SGSM1: variants seen among roughly 807,000 people sequenced by gnomAD.
The protein encoded by SGSM1 is small G protein signaling modulator 1.
In SGSM1, 73 loss-of-function variants were observed where a neutral mutation model predicts 133.8. That is an observed-to-expected ratio of 0.55 (90% CI 0.45 to 0.66). The LOEUF (loss-of-function observed/expected upper bound fraction) is 0.66, where lower values mean the gene tolerates loss of function less well. Ranked by LOEUF, SGSM1 falls within the 30% of genes least tolerant of loss-of-function variation. The pLI, the probability that SGSM1 is intolerant of heterozygous loss-of-function variation, is 0.00. For synonymous variants in SGSM1, 563 were observed against 573.0 expected, an observed-to-expected ratio of 0.98 and a Z score of 0.25; for missense variants, 1,213 against 1,448.1, an observed-to-expected ratio of 0.84 and a Z score of 2.64.
intron 12 of SGSM1, chr22:24,874,603 C>G (rs1228362669): frequency 1.3e-6 from 2 of 1,558,414 alleles, no homozygotes; most frequent in Non-Finnish European, 1.7e-6. Context: ...TCTCCCCGTC[C>G]CCAGGGGCTG....
At chr22:24,817,974 A>G (rs1183165563) in intron 2 of SGSM1, among the ~76,000 whole-genome samples, 1 of 152,152 alleles carries the variant, frequency 6.6e-6, no homozygotes, top group South Asian at 2.1e-4. Context: ...GCTCACGCCT[A>G]TAATCCCAGC....
At chr22:24,910,360 T>TA (rs111564305) in intron 21 of SGSM1, among the ~76,000 whole-genome samples, 14 of 152,150 alleles carry the variant, frequency 9.2e-5, no homozygotes, top group Middle Eastern at 3.4e-3. Context: ...ATAAACCTGT[T>TA]AAAAAAATGG....
intron 23 of SGSM1, among the ~76,000 whole-genome samples, chr22:24,918,782 A>G (rs1201420455): frequency 1.3e-5 from 2 of 151,354 alleles, no homozygotes; most frequent in Admixed American, 1.3e-4. Flanking sequence ...CCCAAGCTGG[A>G]GAGCAATGGC....
intron 12 of SGSM1, among the ~76,000 whole-genome samples, chr22:24,871,749 T>C (rs1480357121): frequency 6.6e-6 from 1 of 152,188 alleles, no homozygotes; most frequent in Non-Finnish European, 1.5e-5. Context: ...GGAGAGGGCA[T>C]TGTGGTTTCA....
Position 24,917,673 on chromosome 22 carries a change from C to T in SGSM1, c.2944C>T (p.Leu982=), listed in dbSNP as rs749017522. The stretch of plus-strand genomic sequence containing the variant: ...TCCTTGACAGATCCTGGACTCAGAG[C>T]TGTTTGAGCTGATGCATCAGAACGG... ...RSLIQILDSE[L]FELMHQNGDY... Residue 982 remains leucine (L), a synonymous_variant, in exon 23 of 25, where the codon CTG becomes TTG. Coordinates refer to ENST00000400358, the MANE Select transcript of SGSM1 (RefSeq NM_001098497.3). 5 of 1,613,522 alleles carry T rather than the reference C, an allele frequency of 3.1e-6. No homozygotes were observed. The highest frequency in any genetic ancestry group is 8.5e-7 in the Non-Finnish European group (1 of 1,179,688).
chr22:24,866,882 A>G (rs12158544), intron 9 of SGSM1, among the ~76,000 whole-genome samples: 18,074 of 151,878 alleles, frequency 0.12, 1,131 homozygotes, highest in South Asian at 0.24. Context: ...CTCCCATATG[A>G]ACTGGGGGTG....
intron 14 of SGSM1, among the ~76,000 whole-genome samples, chr22:24,882,895 T>A (rs1202596376): frequency 6.6e-6 from 1 of 151,908 alleles, no homozygotes; most frequent in Non-Finnish European, 1.5e-5. Flanking sequence ...GGTTTCTTTT[T>A]TTTTTTCTTT....
At position 24,848,247 on chromosome 22, in the gene SGSM1, G is replaced by C. The variant is rs963094044; in HGVS notation, c.302+451G>C. ...CATCCGGGCCAGTGTCTAGCACCTG[G>C]TAGATGCCCAAGAAACAATTGTTGA... is the stretch of plus-strand genomic sequence containing the variant. On this transcript the variant is annotated intron_variant, in intron 4 of 24. Coordinates refer to ENST00000400358, the MANE Select transcript of SGSM1 (RefSeq NM_001098497.3). Among the ~76,000 whole-genome samples, 6 of 151,846 alleles carry C rather than the reference G, an allele frequency of 4.0e-5. No homozygotes were observed. The South Asian group carries it at 1.3e-3, about 32-fold the overall frequency.
In SGSM1 at chr22:24,898,486, C is replaced by T. The variant is rs1486329619; in HGVS notation, c.2537C>T (p.Ala846Val). The T allele has an allele frequency of 1.2e-6, 2 of 1,613,888 alleles. No homozygotes were observed. Among genetic ancestry groups the T allele is most frequent in the African/African-American group, 1.3e-5 (1 of 75,044 alleles). The change falls in exon 19 of 25, where the codon GCC (alanine) becomes GTC (valine). Residue 846 changes from alanine to valine, a missense_variant. Coordinates refer to ENST00000400358, the MANE Select transcript of SGSM1 (RefSeq NM_001098497.3). ...EEPEMESLFP[A>V]LASLAVTTSA... ...CCTGAGATGGAAAGTCTCTTCCCTG[C>T]CCTGGCTTCTCTGGCTGTGACTACT...
chr22:24,859,696 G>C lies in SGSM1; in HGVS notation c.802-20G>C, dbSNP rs776449675. On this transcript the variant is annotated intron_variant, in intron 8 of 24. Coordinates refer to ENST00000400358, the MANE Select transcript of SGSM1 (RefSeq NM_001098497.3). ...CAACTCCAGCACCATGGCCAGACCT[G>C]AGTCCTCCTCTCTCTGCAGAGGGAC... is the stretch of plus-strand genomic sequence containing the variant. 1.2e-6 allele frequency: 2 copies of C among 1,613,346 alleles called. No individual in the cohort carries two copies. The highest frequency in any genetic ancestry group is 1.7e-6 in the Non-Finnish European group (2 of 1,179,788).
intron 16 of SGSM1, among the ~76,000 whole-genome samples, chr22:24,889,772 C>G (rs2123685392): frequency 6.7e-6 from 1 of 150,120 alleles, no homozygotes; most frequent in East Asian, 2.0e-4. Context: ...GCCTCAGCCT[C>G]CCAAATAGCT....
At position 24,924,432 on chromosome 22, in the gene SGSM1, C is replaced by G. The variant is rs1934121725; in HGVS notation, c.*158C>G. On this transcript the variant is annotated 3_prime_UTR_variant, in exon 25 of 25. Coordinates refer to ENST00000400358, the MANE Select transcript of SGSM1 (RefSeq NM_001098497.3). ...AAAGAAACTACCCTGACTTTTACTT[C>G]TGGGCAGATGGGGTGGAGGGAGTAC... 1.6e-6 allele frequency: 1 copy of G among 634,574 alleles called. No individual in the cohort carries two copies. Among genetic ancestry groups the G allele is most frequent in the Non-Finnish European group, 2.8e-6 (1 of 355,414 alleles). 39.3% of individuals were successfully genotyped at this position (634,574 alleles called of 1,614,324 possible).
chr22:24,819,154 A>AAAAAC (rs1928318957), intron 2 of SGSM1, among the ~76,000 whole-genome samples: 3 of 151,600 alleles, frequency 2.0e-5, no homozygotes, highest in Middle Eastern at 3.4e-3. Flanking sequence ...AAAAAAAAAA[A>AAAAAC]AAAACAATAA....
chr22:24,912,746 G>C lies in SGSM1; in HGVS notation c.2922G>C (p.Leu974Phe). ...CGCACTTTGCAAACATGAGATCGTT[G>C]ATCCAGGTATGACCCAGCATCCATT... ...MDTHFANMRSLIQILDSELFE... is the reference protein window; with the variant it reads ...MDTHFANMRSFIQILDSELFE... Residue 974 changes from leucine (L) to phenylalanine (F), a missense_variant, in exon 22 of 25, where the codon TTG (leucine) becomes TTC (phenylalanine). Coordinates refer to ENST00000400358, the MANE Select transcript of SGSM1 (RefSeq NM_001098497.3). The C allele has an allele frequency of 6.2e-7, 1 of 1,610,264 alleles. No individual in the cohort carries two copies. Among genetic ancestry groups the C allele is most frequent in the Non-Finnish European group, 8.5e-7 (1 of 1,177,676 alleles).
intron 2 of SGSM1, among the ~76,000 whole-genome samples, chr22:24,839,489 C>T (rs1929666013): frequency 1.3e-5 from 2 of 152,072 alleles, no homozygotes; most frequent in Non-Finnish European, 2.9e-5. Context: ...TTCAAGGTAG[C>T]CCTGACCTTA....
chr22:24,847,839 A>G (rs553595201), intron 4 of SGSM1, 43 bp downstream of exon 4: 67 of 1,600,132 alleles, frequency 4.2e-5, no homozygotes, highest in Middle Eastern at 1.7e-4. Flanking sequence ...AGCTCCCCCA[A>G]TAGTCCACAG....
At chr22:24,826,056 T>C (rs1928785409) in intron 2 of SGSM1, among the ~76,000 whole-genome samples, 1 of 152,206 alleles carries the variant, frequency 6.6e-6, no homozygotes, top group Admixed American at 6.5e-5. Context: ...GTGGGCCAAA[T>C]GCAACCTATT....
At chr22:24,834,569 T>C (rs1007444602) in intron 2 of SGSM1, among the ~76,000 whole-genome samples, 1 of 152,120 alleles carries the variant, frequency 6.6e-6, no homozygotes, top group Non-Finnish European at 1.5e-5. Flanking sequence ...AATGGGCAGC[T>C]TGAACGACAT....
intron 15 of SGSM1, among the ~76,000 whole-genome samples, chr22:24,885,793 T>TA (rs1283660085): frequency 6.6e-6 from 1 of 152,190 alleles, no homozygotes; most frequent in Admixed American, 6.5e-5. Context: ...CGTACCCGTG[T>TA]AGGGACGCAT....
Sources: allele counts gnomAD v4.1 joint callset (sites outside exome capture counted in the v4.1 genomes callset), GRCh38; gene constraint gnomAD v4.1.1; transcripts MANE v1.5; gene names NCBI Gene and HGNC (gene_info 2026-07-23, HGNC 2026-07-21).